The following GPBP1 variants were observed in gnomAD, a reference collection of about 807,000 sequenced individuals.
The protein encoded by GPBP1 is GC-rich promoter binding protein 1, also known as vasculin.
In GPBP1, 13 loss-of-function variants were observed where a neutral mutation model predicts 56.5. The observed-to-expected ratio is 0.23, with a 90% CI of 0.15 to 0.37. The LOEUF (loss-of-function observed/expected upper bound fraction) is 0.37. Among genes scored for constraint, GPBP1 ranks in the 10% least tolerant of loss-of-function variants. GPBP1 has a pLI of 1.00. For missense variants in GPBP1, 477 were observed against 572.3 expected (o/e 0.83, Z 1.70); for synonymous variants, 204 against 188.9 (o/e 1.08, Z -0.66).
chr5:57,230,175 G>A (rs973737599), intron 3 of GPBP1, among the ~76,000 whole-genome samples: 4 of 151,938 alleles, frequency 2.6e-5, no homozygotes, highest in African/African-American at 9.7e-5. Flanking sequence ...CAGGTGATCC[G>A]CTTGCCTCGG....
Position 57,262,722 on chromosome 5 carries a change from C to T in GPBP1, c.1392C>T (p.Ser464=), listed in dbSNP as rs1741955104. ...AGAATGATGACACAGAGACAAGTAG[C>T]AGTGATACATCAGATGACGACGATG... The part of the protein sequence containing the change: ...TTENDDTETS[S]SDTSDDDDV The change falls in exon 12 of 12, where the codon AGC becomes AGT. Residue 464 remains serine (S), a synonymous_variant. Transcript: ENST00000506184. 1 of 1,613,652 alleles carries T rather than the reference C, an allele frequency of 6.2e-7. No individual in the cohort carries two copies. The highest frequency in any genetic ancestry group is 8.5e-7 in the Non-Finnish European group (1 of 1,179,704).
In GPBP1 at chr5:57,249,620, A is replaced by G. The variant is rs751638300; in HGVS notation, c.972+44A>G. 14 of 1,497,146 alleles carry G rather than the reference A, an allele frequency of 9.4e-6. No homozygotes were observed. In the East Asian group the frequency reaches 2.7e-4, roughly 29 times the overall value. The allele number at this position is 1,497,146 out of a possible 1,614,324, so 92.7% of individuals were successfully genotyped here. On this transcript the variant is annotated intron_variant, in intron 9 of 11. Transcript: ENST00000506184. ...ATACTTGATTTGACATTGATATGTCATTGAAATATTTGAGCATGTATTAGG... is the reference window on the plus strand; with the variant it reads ...ATACTTGATTTGACATTGATATGTCGTTGAAATATTTGAGCATGTATTAGG...
rs1753774429 is a variant in GPBP1, at chr5:57,175,949, CCTTTTAT to C, written c.-501_-495del. The stretch of plus-strand genomic sequence containing the variant: ...GATTGAAAGAATACAGAGTTTTTTT[CCTTTTAT>C]CTTTTATTTACGTGGAAATTTAAGA... On this transcript the variant is annotated 5_prime_UTR_variant, in exon 2 of 12. The change abolishes the stop of an existing upstream ORF in the 5' untranslated region. Coordinates refer to ENST00000506184, the MANE Select transcript of GPBP1 (RefSeq NM_022913.4). 2.5e-6 allele frequency: 1 copy of C among 398,266 alleles called. No homozygotes were observed. The highest frequency in any genetic ancestry group is 2.1e-5 in the African/African-American group (1 of 48,584). The allele number at this position is 398,266 out of a possible 1,614,324, so 24.7% of individuals were successfully genotyped here.
intron 2 of GPBP1, among the ~76,000 whole-genome samples, chr5:57,198,347 A>G (rs1208521713): frequency 6.6e-6 from 1 of 152,114 alleles, no homozygotes; most frequent in Non-Finnish European, 1.5e-5. Context: ...TCACAGTTTT[A>G]TTCCTTTATT....
At chr5:57,260,502 C>T (rs941699079) in intron 10 of GPBP1, among the ~76,000 whole-genome samples, 2 of 152,166 alleles carry the variant, frequency 1.3e-5, no homozygotes, top group African/African-American at 4.8e-5. Flanking sequence ...TTTTCGCAAA[C>T]TGATGTCTTA....
chr5:57,260,177 G>T (rs768755747), intron 10 of GPBP1, among the ~76,000 whole-genome samples: 74 of 152,136 alleles, frequency 4.9e-4, no homozygotes, highest in Non-Finnish European at 8.7e-4. Flanking sequence ...GAGATGTCTT[G>T]TCTGTGGTAT....
chr5:57,243,151 T>A (rs1740913463), intron 6 of GPBP1, among the ~76,000 whole-genome samples: 1 of 151,692 alleles, frequency 6.6e-6, no homozygotes, highest in Admixed American at 6.6e-5. Flanking sequence ...CACTGCAACC[T>A]CCACCTCCCG....
chr5:57,195,008 A>G lies in GPBP1; in HGVS notation c.-58+18608A>G, dbSNP rs531599647. 5.9e-5 allele frequency among the ~76,000 whole-genome samples: 9 copies of G among 152,206 alleles called. No homozygotes were observed. In the South Asian group the frequency reaches 1.7e-3, roughly 28 times the overall value. On this transcript the variant is annotated intron_variant, in intron 2 of 11. Transcript: ENST00000506184. Reference sequence around the variant, plus strand: ...CATATACTGATTTCCTTTGTTTTGGATATATACCCAGCAGTGGGCTTGCTG... The same window carrying G: ...CATATACTGATTTCCTTTGTTTTGGGTATATACCCAGCAGTGGGCTTGCTG...
At chr5:57,206,374 A>C (rs1374021784) in intron 2 of GPBP1, among the ~76,000 whole-genome samples, 1 of 151,926 alleles carries the variant, frequency 6.6e-6, no homozygotes, top group Non-Finnish European at 1.5e-5. Context: ...TTTTATATTT[A>C]GGTCTGTGAT....
At chr5:57,196,704 T>C (rs900007943) in intron 2 of GPBP1, among the ~76,000 whole-genome samples, 1 of 152,150 alleles carries the variant, frequency 6.6e-6, no homozygotes, top group African/African-American at 2.4e-5. Context: ...GCCATTGTCC[T>C]GCCTCAGCCC....
rs1742011495 is a variant in GPBP1 at position 57,264,012 on chromosome 5, T to C, written c.*1260T>C. The stretch of plus-strand genomic sequence containing the variant: ...TGTCAGATCTAATCTTAAGTGTTTG[T>C]TGTTTTTTAAAAAGTGTTTTCTCAG... On this transcript the variant is annotated 3_prime_UTR_variant, in exon 12 of 12. Transcript: ENST00000506184. 6.6e-6 allele frequency: 1 copy of C among 152,174 alleles called. No individual in the cohort carries two copies. Among genetic ancestry groups the C allele is most frequent in the Non-Finnish European group, 1.5e-5 (1 of 68,012 alleles). 9.4% of individuals were successfully genotyped at this position (152,174 alleles called of 1,614,324 possible).
intron 2 of GPBP1, among the ~76,000 whole-genome samples, chr5:57,190,766 C>G (rs1175218649): frequency 7.6e-6 from 1 of 131,836 alleles, no homozygotes; most frequent in African/African-American, 2.8e-5. Flanking sequence ...AGAGTGTGCT[C>G]CATTATCACA....
At chr5:57,240,574 A>G (rs1740779714) in intron 6 of GPBP1, among the ~76,000 whole-genome samples, 1 of 152,216 alleles carries the variant, frequency 6.6e-6, no homozygotes, top group African/African-American at 2.4e-5. Context: ...TGTGGCTAAC[A>G]TTAGATCTTT....
chr5:57,244,633 TCATC>T (rs1740996829), intron 6 of GPBP1, among the ~76,000 whole-genome samples: 1 of 152,154 alleles, frequency 6.6e-6, no homozygotes, highest in Non-Finnish European at 1.5e-5. Flanking sequence ...TTTTTATACT[TCATC>T]CATGCCATTA....
intron 10 of GPBP1, among the ~76,000 whole-genome samples, chr5:57,256,416 T>C (rs1037298304): frequency 6.6e-6 from 1 of 152,202 alleles, no homozygotes; most frequent in Non-Finnish European, 1.5e-5. Context: ...TGAGACTTTA[T>C]AGATTACATT....
chr5:57,245,510 T>G (rs1741049328), intron 6 of GPBP1: 1 of 152,246 alleles, frequency 6.6e-6, no homozygotes, highest in Non-Finnish European at 1.5e-5. Flanking sequence ...ACTTAATTTA[T>G]TCTAAACTTT....
chr5:57,240,200 A>G (rs574145953), intron 6 of GPBP1, among the ~76,000 whole-genome samples: 43 of 152,240 alleles, frequency 2.8e-4, no homozygotes, highest in Admixed American at 7.8e-4. Context: ...GCAGTGAGCT[A>G]CGATTGTGCC....
intron 7 of GPBP1, among the ~76,000 whole-genome samples, chr5:57,246,808 T>G (rs1580070696): frequency 6.6e-6 from 1 of 152,330 alleles, no homozygotes; most frequent in East Asian, 1.9e-4. Context: ...ACTCACATGT[T>G]TTTTCTTATT....
intron 2 of GPBP1, among the ~76,000 whole-genome samples, chr5:57,186,632 G>A (rs1430375673): frequency 3.3e-5 from 5 of 152,038 alleles, no homozygotes; most frequent in African/African-American, 9.7e-5. Context: ...GTGCAGTGGC[G>A]TAATTAACAG....
Sources: allele counts gnomAD v4.1 joint callset (sites outside exome capture counted in the v4.1 genomes callset), GRCh38; gene constraint gnomAD v4.1.1; transcripts MANE v1.5; gene names NCBI Gene and HGNC (gene_info 2026-07-23, HGNC 2026-07-21).